ZNRF2: variants seen among roughly 807,000 people sequenced by gnomAD.
The protein encoded by ZNRF2 is E3 ubiquitin-protein ligase ZNRF2.
ZNRF2 carries 16 observed loss-of-function variants against 20.4 expected under a neutral mutation model. The observed-to-expected ratio is 0.79, with a 90% CI of 0.53 to 1.19. The LOEUF (loss-of-function observed/expected upper bound fraction) is 1.19. Ranked by LOEUF, ZNRF2 falls within the 50% of genes most tolerant of loss-of-function variation. The pLI is 0.00. For missense variants in ZNRF2, 363 were observed against 332.4 expected (o/e 1.09, Z -0.72); for synonymous variants, 178 against 144.9 (o/e 1.23, Z -1.64).
intron 2 of ZNRF2, among the ~76,000 whole-genome samples, chr7:30,350,893 A>C (rs1049996712): frequency 1.3e-5 from 2 of 152,002 alleles, no homozygotes; most frequent in Non-Finnish European, 2.9e-5. Flanking sequence ...AAAAGATCAT[A>C]TACCTGTTTG....
At chr7:30,286,425 A>C (rs1034195368) in intron 1 of ZNRF2, among the ~76,000 whole-genome samples, 23 of 152,384 alleles carry the variant, frequency 1.5e-4, no homozygotes, top group East Asian at 1.2e-3. Context: ...GATCACAGTT[A>C]ATGTGAGTCC....
intron 2 of ZNRF2, among the ~76,000 whole-genome samples, chr7:30,353,233 C>T (rs929937746): frequency 1.3e-5 from 2 of 152,038 alleles, no homozygotes; most frequent in African/African-American, 4.8e-5. Context: ...TGATCAGTGG[C>T]TACAATATGT....
intron 1 of ZNRF2, among the ~76,000 whole-genome samples, chr7:30,309,543 G>A (rs1178797217): frequency 6.6e-6 from 1 of 152,256 alleles, no homozygotes; most frequent in South Asian, 2.1e-4. Context: ...ATTGTGCAGA[G>A]TTCACTATCC....
At chr7:30,353,791 A>G (rs370779522) in intron 2 of ZNRF2, among the ~76,000 whole-genome samples, 1 of 152,146 alleles carries the variant, frequency 6.6e-6, no homozygotes, top group African/African-American at 2.4e-5. Flanking sequence ...TATTATGACC[A>G]TTGATGTTTT....
At chr7:30,344,249 AATTAGAAATAACTGTGTTGTTTCTTTTG>A (rs1178984418) in intron 2 of ZNRF2, among the ~76,000 whole-genome samples, 7 of 148,274 alleles carry the variant, frequency 4.7e-5, no homozygotes, top group African/African-American at 1.5e-4. Flanking sequence ...TTTTTTTTTT[AATTAGAAATAACTGTGTTGTTTCTTTTG>A]ATTAGAAATA....
intron 2 of ZNRF2, among the ~76,000 whole-genome samples, chr7:30,345,727 G>A (rs975411534): frequency 2.3e-4 from 35 of 151,910 alleles, no homozygotes; most frequent in African/African-American, 8.2e-4. Context: ...TTGTCTCTGA[G>A]TTCTTCCCCT....
At chr7:30,296,282 C>T (rs571679993) in intron 1 of ZNRF2, among the ~76,000 whole-genome samples, 13 of 152,110 alleles carry the variant, frequency 8.5e-5, no homozygotes, top group African/African-American at 3.1e-4. Context: ...TATAAAATTG[C>T]CTTAGAAGTA....
At position 30,355,954 on chromosome 7, in the gene ZNRF2, A is replaced by C; in HGVS notation, c.671+121A>C. 4.9e-6 allele frequency: 3 copies of C among 614,204 alleles called. No homozygotes were observed. The South Asian group carries it at 6.7e-5, about 14-fold the overall frequency. The allele number at this position is 614,204 out of a possible 1,614,324, so 38.0% of individuals were successfully genotyped here. ...CCTCCCTGTCTCACACACACTTCTT[A>C]AAACTTAATGATCTTTTTTCTCTAT... On this transcript the variant is annotated intron_variant, in intron 3 of 4. Transcript: ENST00000323037.
At chr7:30,292,072 T>C (rs1798921491) in intron 1 of ZNRF2, among the ~76,000 whole-genome samples, 1 of 152,246 alleles carries the variant, frequency 6.6e-6, no homozygotes, top group Admixed American at 6.5e-5. Context: ...TTTATATATG[T>C]ATTTGTTTTA....
At chr7:30,287,354 A>C (rs1798810362) in intron 1 of ZNRF2, among the ~76,000 whole-genome samples, 2 of 152,264 alleles carry the variant, frequency 1.3e-5, no homozygotes. Context: ...ATTTGCATTT[A>C]GCAATTATTA....
chr7:30,320,789 T>G (rs1051909733), intron 1 of ZNRF2, among the ~76,000 whole-genome samples: 2 of 152,246 alleles, frequency 1.3e-5, no homozygotes, highest in African/African-American at 2.4e-5. Flanking sequence ...TGATATACAT[T>G]GCAAATATTT....
At position 30,355,573 on chromosome 7, in the gene ZNRF2, A is replaced by G. The variant is rs56029745; in HGVS notation, c.566-155A>G. 9.8e-3 allele frequency among the ~76,000 whole-genome samples: 1,500 copies of G among 152,352 alleles called. 23 individuals carry two copies. Among genetic ancestry groups the G allele is most frequent in the African/African-American group, 0.033 (1,372 of 41,574 alleles). On this transcript the variant is annotated intron_variant, in intron 2 of 4. Coordinates refer to ENST00000323037, the MANE Select transcript of ZNRF2 (RefSeq NM_147128.4). Reference sequence around the variant, plus strand: ...CATTATTCAGTCATTTATGAATAGTATTTCAAATACACGTGCTGAGTTTTA... The same window carrying G: ...CATTATTCAGTCATTTATGAATAGTGTTTCAAATACACGTGCTGAGTTTTA...
At chr7:30,298,774 T>C (rs1466299980) in intron 1 of ZNRF2, among the ~76,000 whole-genome samples, 1 of 152,184 alleles carries the variant, frequency 6.6e-6, no homozygotes, top group Non-Finnish European at 1.5e-5. Context: ...CTAGGAGATC[T>C]CACAGCTCCT....
chr7:30,362,407 A>G lies in ZNRF2; in HGVS notation c.702A>G (p.Arg234=). 1 of 1,597,218 alleles carries G rather than the reference A, an allele frequency of 6.3e-7. No individual in the cohort carries two copies. Among genetic ancestry groups the G allele is most frequent in the Middle Eastern group, 1.7e-4 (1 of 5,988 alleles). ...GCIDEWFEVN[R]SCPEHPSD The stretch of plus-strand genomic sequence containing the variant: ...TAGATGAATGGTTTGAAGTAAATAG[A>G]TCTTGCCCTGAGCACCCTTCAGATT... The change falls in exon 4 of 5, where the codon AGA becomes AGG. Residue 234 remains arginine, a synonymous_variant. Coordinates refer to ENST00000323037, the MANE Select transcript of ZNRF2 (RefSeq NM_147128.4).
chr7:30,313,379 T>C (rs1391211922), intron 1 of ZNRF2, among the ~76,000 whole-genome samples: 3 of 152,172 alleles, frequency 2.0e-5, no homozygotes, highest in Non-Finnish European at 2.9e-5. Flanking sequence ...ATTGCTCATG[T>C]TACATGTGGC....
chr7:30,330,790 C>G (rs1799625605), intron 2 of ZNRF2, among the ~76,000 whole-genome samples: 1 of 151,592 alleles, frequency 6.6e-6, no homozygotes, highest in Non-Finnish European at 1.5e-5. Flanking sequence ...AGAAAACTTG[C>G]CAGCTACTAA....
intron 1 of ZNRF2, among the ~76,000 whole-genome samples, chr7:30,303,453 T>C (rs75736213): frequency 2.0e-5 from 3 of 152,216 alleles, no homozygotes; most frequent in East Asian, 1.9e-4. Context: ...AAGTTTCTGA[T>C]TGAGTAGTTT....
At chr7:30,311,897 A>G (rs1479341220) in intron 1 of ZNRF2, among the ~76,000 whole-genome samples, 1 of 152,182 alleles carries the variant, frequency 6.6e-6, no homozygotes, top group African/African-American at 2.4e-5. Flanking sequence ...CTGTTAATGT[A>G]TATTTAGCCT....
intron 1 of ZNRF2, among the ~76,000 whole-genome samples, chr7:30,292,288 C>A (rs1018877644): frequency 2.6e-5 from 4 of 152,146 alleles, no homozygotes; most frequent in African/African-American, 7.2e-5. Flanking sequence ...GTTACATATT[C>A]TTTGATAACA....
Sources: allele counts gnomAD v4.1 joint callset (sites outside exome capture counted in the v4.1 genomes callset), GRCh38; gene constraint gnomAD v4.1.1; transcripts MANE v1.5; gene names NCBI Gene and HGNC (gene_info 2026-07-23, HGNC 2026-07-21).